CLIP1: variants seen among roughly 807,000 people sequenced by gnomAD.
CLIP1 encodes CAP-Gly domain containing linker protein 1, also known as CAP-Gly domain-containing linker protein 1.
Under a neutral mutation model 161.6 loss-of-function variants are expected in CLIP1, and 66 were observed. The observed-to-expected ratio is 0.41, with a 90% confidence interval of 0.33 to 0.50. CLIP1 has a LOEUF of 0.50. CLIP1 is among the 20% of genes least tolerant of loss of function. The pLI, the probability that CLIP1 is intolerant of heterozygous loss-of-function variation, is 0.27. For missense variants in CLIP1, 1,376 were observed against 1,702.0 expected, an observed-to-expected ratio of 0.81 and a Z score of 3.37; for synonymous variants, 598 against 626.2, an observed-to-expected ratio of 0.96 and a Z score of 0.67.
chr12:122,412,541 G>T (rs1410912687), intron 1 of CLIP1, among the ~76,000 whole-genome samples: 1 of 152,008 alleles, frequency 6.6e-6, no homozygotes, highest in Non-Finnish European at 1.5e-5. Context: ...TGTAATCTCA[G>T]CTACTCAAGA....
intron 1 of CLIP1, among the ~76,000 whole-genome samples, chr12:122,413,657 T>C (rs1044657399): frequency 6.6e-5 from 10 of 152,072 alleles, no homozygotes; most frequent in African/African-American, 2.4e-4. Context: ...TGCAAAGAGG[T>C]GGATGAGAAT....
At chr12:122,296,627 ATAAT>A (rs1345955673) in intron 20 of CLIP1, among the ~76,000 whole-genome samples, 1 of 152,106 alleles carries the variant, frequency 6.6e-6, no homozygotes, top group Non-Finnish European at 1.5e-5. Flanking sequence ...TTTAAAATAA[ATAAT>A]TCTTATTTCT....
At chr12:122,371,182 G>A (rs1484638190) in intron 3 of CLIP1, among the ~76,000 whole-genome samples, 1 of 152,118 alleles carries the variant, frequency 6.6e-6, no homozygotes, top group African/African-American at 2.4e-5. Flanking sequence ...CAATAAAGTT[G>A]TTAAAAGTTA....
intron 20 of CLIP1, among the ~76,000 whole-genome samples, chr12:122,303,170 C>A (rs1277777357): frequency 2.6e-5 from 4 of 152,168 alleles, no homozygotes; most frequent in African/African-American, 9.7e-5. Flanking sequence ...GTCATTTTAT[C>A]ATCTTCTCTT....
intron 1 of CLIP1, among the ~76,000 whole-genome samples, chr12:122,382,917 T>G (rs1296028190): frequency 3.3e-5 from 5 of 152,138 alleles, no homozygotes; most frequent in Non-Finnish European, 7.4e-5. Flanking sequence ...AAGGCCGTAG[T>G]TCTGATTCAC....
intron 3 of CLIP1, chr12:122,364,708 A>C (rs983034201): frequency 5.0e-5 from 26 of 522,180 alleles, no homozygotes; most frequent in Admixed American, 1.3e-4. Flanking sequence ...CTTGGACCTC[A>C]CTTTATTTTT....
chr12:122,294,344 CA>C (rs1210070129), intron 20 of CLIP1, among the ~76,000 whole-genome samples: 32 of 109,670 alleles, frequency 2.9e-4, no homozygotes, highest in African/African-American at 5.0e-4. Context: ...AAAAAAAAAA[CA>C]AAAAAAAAAA....
At chr12:122,327,010 A>G (rs1951733610) in intron 17 of CLIP1, among the ~76,000 whole-genome samples, 1 of 152,210 alleles carries the variant, frequency 6.6e-6, no homozygotes, top group African/African-American at 2.4e-5. Flanking sequence ...CAAGTCCTAT[A>G]TATGCTCTTT....
At chr12:122,358,678 G>A (rs10846688) in intron 5 of CLIP1, among the ~76,000 whole-genome samples, 107,009 of 150,980 alleles carry the variant, frequency 0.71, 38,445 homozygotes, top group East Asian at 0.85. Flanking sequence ...GATAAAATGA[G>A]ATAACTTTGT....
chr12:122,383,392 T>A (rs1285486456), intron 1 of CLIP1, among the ~76,000 whole-genome samples: 4 of 152,204 alleles, frequency 2.6e-5, no homozygotes, highest in Admixed American at 2.6e-4. Flanking sequence ...CAGCTCAGTA[T>A]CATAAACTCA....
At chr12:122,382,303 G>C (rs1173486867) in intron 1 of CLIP1, among the ~76,000 whole-genome samples, 1 of 151,916 alleles carries the variant, frequency 6.6e-6, no homozygotes, top group Non-Finnish European at 1.5e-5. Context: ...AGAGGTTGTA[G>C]TGAGCCCAGG....
chr12:122,350,931 C>G (rs1455171890), intron 9 of CLIP1, 180 bp downstream of exon 9: 1 of 449,554 alleles, frequency 2.2e-6, no homozygotes, highest in African/African-American at 2.0e-5. Flanking sequence ...TTAGTCATTA[C>G]ATACAATTTC....
rs1951574754 is a variant in CLIP1, at chr12:122,323,037, T to C, written c.3250-3689A>G. 1 of 152,660 alleles carries C rather than the reference T, an allele frequency of 6.6e-6. No homozygotes were observed. Among genetic ancestry groups the C allele is most frequent in the Admixed American group, 6.5e-5 (1 of 15,272 alleles). 9.5% of individuals were successfully genotyped at this position (152,660 alleles called of 1,614,324 possible). ...GCATCAATATTACCGAGGAGTTTCA[T>C]ATTCTCTTGCACAACTAAACTTCTG... is the stretch of plus-strand genomic sequence containing the variant. On this transcript the variant is annotated intron_variant, in intron 17 of 25. Coordinates refer to ENST00000620786, the MANE Select transcript of CLIP1 (RefSeq NM_001247997.2). This position sits in a 1 kb window ranked among gnomAD's most constrained non-coding sequence, Gnocchi z 4.1.
At chr12:122,414,711 G>A (rs532512734) in intron 1 of CLIP1, among the ~76,000 whole-genome samples, 3 of 151,912 alleles carry the variant, frequency 2.0e-5, no homozygotes, top group Admixed American at 6.6e-5. Flanking sequence ...TGATGCACCC[G>A]CCTCGGCCTC....
chr12:122,390,227 C>CAT (rs1366058612), intron 1 of CLIP1, among the ~76,000 whole-genome samples: 1 of 126,386 alleles, frequency 7.9e-6, no homozygotes, highest in Non-Finnish European at 1.6e-5. Context: ...TATATACACA[C>CAT]ATATATACAC....
At chr12:122,291,094 T>G (rs1266777178) in intron 20 of CLIP1, among the ~76,000 whole-genome samples, 1 of 152,024 alleles carries the variant, frequency 6.6e-6, no homozygotes, top group Non-Finnish European at 1.5e-5. Context: ...GGTTTCACCA[T>G]GTTGGCCAGG....
In CLIP1 at chr12:122,339,311, C is replaced by T. The variant is rs573006676; in HGVS notation, c.2451+1442G>A. Among the ~76,000 whole-genome samples the T allele has an allele frequency of 4.6e-5, 7 of 151,400 alleles. No homozygotes were observed. The South Asian group carries it at 1.3e-3, about 27-fold the overall frequency. On this transcript the variant is annotated intron_variant, in intron 11 of 25. Transcript: ENST00000620786. Reference sequence around the variant, plus strand: ...CTCCAAGCTCTTACCCTTAATTTTGCTGTGAATGTTATTTATCACAGCATG... The same window carrying T: ...CTCCAAGCTCTTACCCTTAATTTTGTTGTGAATGTTATTTATCACAGCATG...
At chr12:122,299,936 A>G (rs1452944701) in intron 20 of CLIP1, among the ~76,000 whole-genome samples, 1 of 150,690 alleles carries the variant, frequency 6.6e-6, no homozygotes, top group African/African-American at 2.5e-5. Flanking sequence ...AGAAGGAAAC[A>G]TATTTCCCCA....
intron 19 of CLIP1, among the ~76,000 whole-genome samples, chr12:122,313,635 T>C (rs1225075504): frequency 1.3e-5 from 2 of 151,948 alleles, no homozygotes; most frequent in Non-Finnish European, 2.9e-5. Context: ...GAGAACCACT[T>C]GAACCCAGGA....
Sources: gnomAD v4.1 joint callset for allele counts (sites outside exome capture counted in the v4.1 genomes callset) on GRCh38, gnomAD v4.1.1 for gene constraint, Gnocchi (gnomAD v3.1) non-coding constraint, MANE v1.5 for transcripts, NCBI Gene and HGNC (gene_info 2026-07-23, HGNC 2026-07-21) for gene names.